BTD: variants seen among roughly 807,000 people sequenced by gnomAD.
BTD encodes biocytinase.
A neutral mutation model predicts 17.7 loss-of-function variants in BTD; 13 were observed. That is an observed-to-expected ratio of 0.74 (90% CI 0.48 to 1.17). The LOEUF (loss-of-function observed/expected upper bound fraction) is 1.17. BTD is among the 50% of genes most tolerant of loss of function. BTD has a pLI of 0.00. For synonymous variants in BTD, 240 were observed against 245.2 expected (o/e 0.98, Z 0.20); for missense variants, 674 against 650.4 (o/e 1.04, Z -0.39).
At chr3:15,707,352 C>T (rs2071596480) in intron 3 of BTD, among the ~76,000 whole-genome samples, 1 of 152,098 alleles carries the variant, frequency 6.6e-6, no homozygotes, top group Non-Finnish European at 1.5e-5. Flanking sequence ...ATCATTTATT[C>T]TTGTTTTCAC....
intron 2 of BTD, among the ~76,000 whole-genome samples, chr3:15,637,055 A>G (rs536363134): frequency 5.3e-5 from 8 of 152,174 alleles, no homozygotes; most frequent in East Asian, 1.9e-4. Flanking sequence ...CCACGATTCT[A>G]TCGTCAGAGC....
At chr3:15,704,864 T>C (rs1030172075) in intron 3 of BTD, among the ~76,000 whole-genome samples, 2 of 152,220 alleles carry the variant, frequency 1.3e-5, no homozygotes, top group South Asian at 4.1e-4. Flanking sequence ...CAATAAATGA[T>C]GGCACTCGAC....
chr3:15,700,458 C>CA (rs71045180), intron 3 of BTD, among the ~76,000 whole-genome samples: 79,973 of 146,682 alleles, frequency 0.55, 22,428 homozygotes, highest in Middle Eastern at 0.64. Context: ...AGTATAATGA[C>CA]AAAAAAAAAA....
chr3:15,603,436 T>A (rs2064342564), intron 1 of BTD, among the ~76,000 whole-genome samples: 1 of 152,038 alleles, frequency 6.6e-6, no homozygotes, highest in Admixed American at 6.5e-5. Context: ...GGCGGGCGGA[T>A]CATGAGGTCA....
chr3:15,621,168 G>T (rs2064941796), intron 1 of BTD, among the ~76,000 whole-genome samples: 1 of 152,182 alleles, frequency 6.6e-6, no homozygotes, highest in Admixed American at 6.5e-5. Flanking sequence ...TCTTTACCTA[G>T]TGCACTTAGA....
At chr3:15,699,948 C>T (rs1045233196) in intron 3 of BTD, among the ~76,000 whole-genome samples, 11 of 152,108 alleles carry the variant, frequency 7.2e-5, no homozygotes, top group African/African-American at 1.4e-4. Flanking sequence ...ATGTTTACTG[C>T]GGCACTATTT....
At chr3:15,694,854 T>C (rs969973300) in intron 3 of BTD, 7 of 1,568,850 alleles carry the variant, frequency 4.5e-6, no homozygotes, top group African/African-American at 1.4e-5. Context: ...AAAGACATAC[T>C]ACAGCAATTA....
At chr3:15,659,103 T>G (rs768386280) in intron 3 of BTD, among the ~76,000 whole-genome samples, 11 of 152,308 alleles carry the variant, frequency 7.2e-5, no homozygotes, top group Middle Eastern at 3.4e-3. Context: ...TCTCAGTAAA[T>G]GCTTGAATCA....
At chr3:15,606,929 C>G (rs1367134822) in intron 1 of BTD, 1 of 147,040 alleles carries the variant, frequency 6.8e-6, no homozygotes, top group Admixed American at 6.8e-5. Flanking sequence ...TGCACCGACC[C>G]TTTTTTTTGT....
At chr3:15,702,074 A>G (rs2070711876) in intron 3 of BTD, among the ~76,000 whole-genome samples, 1 of 152,238 alleles carries the variant, frequency 6.6e-6, no homozygotes, top group South Asian at 2.1e-4. Flanking sequence ...TTTGCTAAAC[A>G]ATATAAATTT....
At chr3:15,605,538 A>G (rs1244040814) in intron 1 of BTD, among the ~76,000 whole-genome samples, 1 of 152,182 alleles carries the variant, frequency 6.6e-6, no homozygotes, top group Non-Finnish European at 1.5e-5. Context: ...TAAAAAGAAA[A>G]TGCAGATTTT....
intron 3 of BTD, among the ~76,000 whole-genome samples, chr3:15,695,918 T>C (rs535126264): frequency 2.0e-5 from 3 of 152,090 alleles, no homozygotes; most frequent in African/African-American, 7.2e-5. Context: ...GGGTAATCAG[T>C]AGCCCTCTTC....
In BTD at chr3:15,635,472, C is replaced by A. The variant is rs921977208; in HGVS notation, c.33C>A (p.Phe11Leu). The change falls in exon 2 of 4, where the codon TTC becomes TTA. Residue 11 changes from phenylalanine (F) to leucine (L), a missense_variant. Coordinates refer to ENST00000643237, the MANE Select transcript of BTD (RefSeq NM_001370658.1). The surrounding 1 kb of genome is among the most constrained non-coding windows in gnomAD (Gnocchi z 4.1). MSGARSKLALFLCGCYVVALG... is the reference protein window; with the variant it reads MSGARSKLALLLCGCYVVALG... ...GAGCCAGAAGTAAGCTTGCTCTTTT[C>A]CTCTGCGGCTGTTACGTGGTTGCCC... 3.7e-6 allele frequency: 6 copies of A among 1,614,106 alleles called. No homozygotes were observed. The Admixed American group carries it at 8.3e-5, about 22-fold the overall frequency.
chr3:15,654,118 G>T (rs919045635), downstream of BTD, among the ~76,000 whole-genome samples: 5 of 152,342 alleles, frequency 3.3e-5, no homozygotes, highest in East Asian at 3.9e-4. Context: ...ATTGCTAAAA[G>T]ATATTTGTGC....
intron 3 of BTD, among the ~76,000 whole-genome samples, chr3:15,675,713 A>C (rs1248897680): frequency 6.6e-6 from 1 of 152,256 alleles, no homozygotes; most frequent in African/African-American, 2.4e-5. Context: ...GGAATTCGGA[A>C]GTACATCTGT....
chr3:15,630,631 A>C lies in BTD; in HGVS notation c.-16-4793A>C, dbSNP rs180867262. ...GCAGAAACTGGCTAATCAAAGGCACAGTGCACAGTTACACTTCTGTATATC... is the reference window on the plus strand; with the variant it reads ...GCAGAAACTGGCTAATCAAAGGCACCGTGCACAGTTACACTTCTGTATATC... On this transcript the variant is annotated intron_variant, in intron 1 of 3. Coordinates refer to ENST00000643237, the MANE Select transcript of BTD (RefSeq NM_001370658.1). 7.2e-4 allele frequency among the ~76,000 whole-genome samples: 109 copies of C among 152,368 alleles called. 2 individuals carry two copies. The East Asian group carries it at 0.018, about 25-fold the overall frequency.
rs1363400801 is a variant in BTD at position 15,650,309 on chromosome 3, C to T, written c.*4821C>T. The stretch of plus-strand genomic sequence containing the variant: ...TGAAGTAAAACAAAAATCTGAATAA[C>T]AGCTGCACCGTTAAAAATGAAATTA... On this transcript the variant is annotated 3_prime_UTR_variant, in exon 4 of 4. Transcript: ENST00000643237. Among the ~76,000 whole-genome samples, 1 of 152,198 alleles carries T rather than the reference C, an allele frequency of 6.6e-6. No homozygotes were observed. Among genetic ancestry groups the T allele is most frequent in the Non-Finnish European group, 1.5e-5 (1 of 68,034 alleles).
chr3:15,645,858 T>C lies in BTD; in HGVS notation c.*370T>C, dbSNP rs1220485273. 3.7e-5 allele frequency: 7 copies of C among 190,186 alleles called. No homozygotes were observed. The highest frequency in any genetic ancestry group is 5.5e-5 in the Admixed American group (1 of 18,092). 11.8% of individuals were successfully genotyped at this position (190,186 alleles called of 1,614,324 possible). On this transcript the variant is annotated 3_prime_UTR_variant, in exon 4 of 4. Coordinates refer to ENST00000643237, the MANE Select transcript of BTD (RefSeq NM_001370658.1). Reference sequence around the variant, plus strand: ...GGGGTTTTTTTTTTTTTTTTTATCTTGTTGATCAAGTGACACCCAGGACAT... The same window carrying C: ...GGGGTTTTTTTTTTTTTTTTTATCTCGTTGATCAAGTGACACCCAGGACAT...
rs967384315 is a variant in BTD, at chr3:15,653,332, C to T, written c.*7844C>T. Among the ~76,000 whole-genome samples the T allele has an allele frequency of 3.9e-5, 6 of 152,258 alleles. No individual in the cohort carries two copies. The highest frequency in any genetic ancestry group is 1.4e-4 in the African/African-American group (6 of 41,466). ...ACGGGTCTTAATCATCACCTCAGTC[C>T]TCTGAAACAGGCAAGTGTGTCCATT... On this transcript the variant is annotated 3_prime_UTR_variant, in exon 4 of 4. Transcript: ENST00000643237.
Sources: gnomAD v4.1 joint callset for allele counts (sites outside exome capture counted in the v4.1 genomes callset) on GRCh38, gnomAD v4.1.1 for gene constraint, Gnocchi (gnomAD v3.1) non-coding constraint, MANE v1.5 for transcripts, NCBI Gene and HGNC (gene_info 2026-07-23, HGNC 2026-07-21) for gene names.